Variants in WIPF1 observed in about 807,000 individuals in gnomAD.
The protein encoded by WIPF1 is WAS/WASL interacting protein family member 1, also known as WAS/WASL-interacting protein family member 1.
WIPF1 carries 13 observed loss-of-function variants against 35.4 expected under a neutral mutation model. The ratio of observed to expected loss-of-function variants is 0.37; its 90% confidence interval spans 0.24 to 0.58. The LOEUF (loss-of-function observed/expected upper bound fraction) is 0.58, where lower values mean the gene tolerates loss of function less well. Among genes scored for constraint, WIPF1 ranks in the 20% least tolerant of loss-of-function variants. WIPF1 has a pLI of 0.74. For missense variants in WIPF1, 591 were observed against 667.0 expected (o/e 0.89, Z 1.25); for synonymous variants, 267 against 266.3 (o/e 1.00, Z -0.02).
upstream of WIPF1, among the ~76,000 whole-genome samples, chr2:174,601,190 G>T (rs1039593583): frequency 1.3e-5 from 2 of 152,090 alleles, no homozygotes; most frequent in African/African-American, 4.8e-5. Flanking sequence ...GCCTCCCAAA[G>T]TGCTGGGATT....
Position 174,581,296 on chromosome 2 carries a change from C to T in WIPF1, c.181+14G>A. ...ACTGTTCCTCTCCATGGTAGATAGC[C>T]TTTTTTTACTTACTGTCCAGTATTG... On this transcript the variant is annotated intron_variant, in intron 3 of 7. Transcript: ENST00000679041. The T allele has an allele frequency of 2.5e-6, 4 of 1,613,538 alleles. No individual in the cohort carries two copies. The highest frequency in any genetic ancestry group is 1.1e-5 in the South Asian group (1 of 91,048).
chr2:174,609,443 T>A (rs999315677), intron 1 of WIPF1, among the ~76,000 whole-genome samples: 1 of 152,158 alleles, frequency 6.6e-6, no homozygotes, highest in Non-Finnish European at 1.5e-5. Context: ...ATGTCAATGG[T>A]GTTACTGAAG....
At chr2:174,649,585 A>G (rs552248340) in intron 1 of WIPF1, among the ~76,000 whole-genome samples, 43 of 152,206 alleles carry the variant, frequency 2.8e-4, no homozygotes, top group Middle Eastern at 3.4e-3. Context: ...GGAAACCCCA[A>G]TAAAAGCTCT....
chr2:174,564,079 T>TA (rs1217630403), intron 7 of WIPF1, among the ~76,000 whole-genome samples: 1 of 152,158 alleles, frequency 6.6e-6, no homozygotes, highest in African/African-American at 2.4e-5. Flanking sequence ...TCCAAAGCTG[T>TA]AATTAGAGGG....
At chr2:174,639,853 T>A (rs894903740) in intron 1 of WIPF1, among the ~76,000 whole-genome samples, 3 of 152,216 alleles carry the variant, frequency 2.0e-5, no homozygotes, top group African/African-American at 7.2e-5. Flanking sequence ...TTCACACTTA[T>A]GTTTTTAATC....
intron 4 of WIPF1, 92 bp downstream of exon 4, chr2:174,575,112 A>C (rs1685003128): frequency 1.5e-6 from 2 of 1,340,152 alleles, no homozygotes; most frequent in Non-Finnish European, 2.1e-6. Context: ...TATTTTAATA[A>C]GGGCGAAGAG....
At chr2:174,654,182 T>C (rs1369086290) in intron 1 of WIPF1, among the ~76,000 whole-genome samples, 6 of 152,254 alleles carry the variant, frequency 3.9e-5, no homozygotes, top group African/African-American at 1.4e-4. Context: ...TAATTTATTG[T>C]ACCATTTATG....
intron 1 of WIPF1, among the ~76,000 whole-genome samples, chr2:174,617,568 A>G (rs1031671973): frequency 1.4e-4 from 21 of 152,230 alleles, no homozygotes; most frequent in Non-Finnish European, 3.1e-4. Flanking sequence ...TCAAGTAGCA[A>G]TGGATTGACT....
intron 1 of WIPF1, among the ~76,000 whole-genome samples, chr2:174,629,301 T>C (rs1359263991): frequency 6.6e-6 from 1 of 152,240 alleles, no homozygotes; most frequent in African/African-American, 2.4e-5. Flanking sequence ...TTTTCCAAAT[T>C]ATTTTTCTTA....
chr2:174,604,546 A>G (rs1686099164), intron 1 of WIPF1, among the ~76,000 whole-genome samples: 1 of 152,222 alleles, frequency 6.6e-6, no homozygotes, highest in African/African-American at 2.4e-5. Flanking sequence ...TGGCATAGTG[A>G]ATTATAAAAA....
At chr2:174,671,763 C>T (rs1003441253) in intron 1 of WIPF1, among the ~76,000 whole-genome samples, 2 of 152,070 alleles carry the variant, frequency 1.3e-5, no homozygotes, top group African/African-American at 2.4e-5. Context: ...AGGAAATTCC[C>T]GCCTAGTAAA....
chr2:174,643,113 G>T (rs1276272077), intron 1 of WIPF1, among the ~76,000 whole-genome samples: 2 of 149,206 alleles, frequency 1.3e-5, no homozygotes, highest in East Asian at 3.9e-4. Flanking sequence ...AATTTTCAAT[G>T]CTACTATACT....
intron 4 of WIPF1, chr2:174,574,626 G>GA (rs1272069194): frequency 4.8e-6 from 2 of 418,692 alleles, no homozygotes; most frequent in African/African-American, 2.0e-5. Flanking sequence ...AGCAAGTTCA[G>GA]TTTTTTTCTA....
chr2:174,638,048 G>T (rs1394410300), intron 1 of WIPF1, among the ~76,000 whole-genome samples: 2 of 152,144 alleles, frequency 1.3e-5, no homozygotes, highest in Non-Finnish European at 2.9e-5. Flanking sequence ...TGGACTAAGA[G>T]ATGTAATTTA....
intron 1 of WIPF1, among the ~76,000 whole-genome samples, chr2:174,672,479 G>T (rs1430000895): frequency 6.6e-6 from 1 of 152,214 alleles, no homozygotes; most frequent in Non-Finnish European, 1.5e-5. Flanking sequence ...AGAACTCCAT[G>T]AGTTCGCTAA....
At chr2:174,592,224 G>C (rs1177930753) in intron 1 of WIPF1, among the ~76,000 whole-genome samples, 1 of 152,184 alleles carries the variant, frequency 6.6e-6, no homozygotes, top group East Asian at 1.9e-4. Flanking sequence ...ATGAGGTGGG[G>C]AGTGATTCCT....
intron 1 of WIPF1, chr2:174,625,655 A>G (rs1686809227): frequency 6.6e-6 from 1 of 152,240 alleles, no homozygotes; most frequent in African/African-American, 2.4e-5. Context: ...TGAGGGAAAG[A>G]TTAATTCAAA....
chr2:174,653,260 G>T (rs934425923), intron 1 of WIPF1, among the ~76,000 whole-genome samples: 1 of 152,174 alleles, frequency 6.6e-6, no homozygotes, highest in Non-Finnish European at 1.5e-5. Context: ...CTGGATGAAC[G>T]TGGCTCCCCT....
At chr2:174,594,507 C>A (rs1376318701) in intron 1 of WIPF1, among the ~76,000 whole-genome samples, 2 of 152,064 alleles carry the variant, frequency 1.3e-5, no homozygotes, top group Non-Finnish European at 2.9e-5. Context: ...CATTATTTAA[C>A]TGAAGGAAAG....
Sources: gnomAD v4.1 joint callset for allele counts (sites outside exome capture counted in the v4.1 genomes callset) on GRCh38, gnomAD v4.1.1 for gene constraint, MANE v1.5 for transcripts, NCBI Gene and HGNC (gene_info 2026-07-23, HGNC 2026-07-21) for gene names.